GPM6A: variants seen among roughly 807,000 people sequenced by gnomAD.
The protein encoded by GPM6A is glycoprotein M6A, also known as neuronal membrane glycoprotein M6-a.
GPM6A carries 7 observed loss-of-function variants against 32.1 expected under a neutral mutation model. The ratio of observed to expected loss-of-function variants is 0.22; its 90% CI spans 0.12 to 0.41. GPM6A has a LOEUF of 0.41. Ranked by LOEUF, GPM6A falls within the 10% of genes least tolerant of loss-of-function variation. The pLI, the probability that GPM6A is intolerant of heterozygous loss-of-function variation, is 1.00. For missense variants in GPM6A, 235 were observed against 347.2 expected, an observed-to-expected ratio of 0.68 and a Z score of 2.57; for synonymous variants, 130 against 123.4, an observed-to-expected ratio of 1.05 and a Z score of -0.35.
At chr4:175,716,777 G>A (rs961037444) in intron 1 of GPM6A, among the ~76,000 whole-genome samples, 4 of 152,036 alleles carry the variant, frequency 2.6e-5, no homozygotes, top group African/African-American at 9.7e-5. Context: ...ACTAATTCAG[G>A]AAAAGAAGAT....
At chr4:175,935,895 A>G (rs1460209521) in intron 1 of GPM6A, among the ~76,000 whole-genome samples, 3 of 152,154 alleles carry the variant, frequency 2.0e-5, no homozygotes, top group African/African-American at 4.8e-5. Flanking sequence ...TAAAATTAAG[A>G]AAGATGTTAA....
At chr4:175,792,718 C>T (rs905442303) in intron 1 of GPM6A, among the ~76,000 whole-genome samples, 1 of 152,134 alleles carries the variant, frequency 6.6e-6, no homozygotes, top group Non-Finnish European at 1.5e-5. Context: ...AATTCTTTGA[C>T]ATCTGATCAG....
At chr4:175,755,656 A>G (rs1271588588) in intron 1 of GPM6A, among the ~76,000 whole-genome samples, 5 of 152,178 alleles carry the variant, frequency 3.3e-5, no homozygotes, top group Middle Eastern at 3.2e-3. Context: ...GTTTCCTCCA[A>G]TTACGTTGGT....
chr4:175,911,835 A>G (rs1034885715), intron 1 of GPM6A, among the ~76,000 whole-genome samples: 4 of 152,182 alleles, frequency 2.6e-5, no homozygotes, highest in African/African-American at 9.7e-5. Context: ...GAGTGAGTAA[A>G]CTTTTCTCCC....
rs1260674365 is a variant in GPM6A, at chr4:175,887,159, T to TTTA, written c.-22-74911_-22-74910insTAA. 9.2e-5 allele frequency among the ~76,000 whole-genome samples: 14 copies of TTTA among 152,096 alleles called. No homozygotes were observed. In the East Asian group the frequency reaches 2.7e-3, roughly 29 times the overall value. ...TTATCAAATACAGTATACATAAAAC[T>TTTA]TTTATAAACACCAATCAATTATCAA... On this transcript the variant is annotated intron_variant, in intron 1 of 7. Coordinates refer to the GPM6A transcript ENST00000280187.
At chr4:175,792,356 A>G (rs1303467372) in intron 1 of GPM6A, among the ~76,000 whole-genome samples, 5 of 152,172 alleles carry the variant, frequency 3.3e-5, no homozygotes, top group African/African-American at 1.2e-4. Flanking sequence ...TTTACAGTGG[A>G]TATTTGGTGT....
intron 1 of GPM6A, among the ~76,000 whole-genome samples, chr4:175,911,246 G>T (rs1000695228): frequency 6.6e-6 from 1 of 151,958 alleles, no homozygotes; most frequent in African/African-American, 2.4e-5. Context: ...ACCAGTTTTG[G>T]GGGCAGATGA....
intron 1 of GPM6A, chr4:175,962,340 C>T: frequency 1.2e-6 from 1 of 824,316 alleles, no homozygotes; most frequent in Non-Finnish European, 2.1e-6. Context: ...TGAACATCAG[C>T]TTCTTAAGAC....
chr4:175,771,626 A>G (rs563888731), intron 1 of GPM6A, among the ~76,000 whole-genome samples: 1 of 152,232 alleles, frequency 6.6e-6, no homozygotes, highest in Non-Finnish European at 1.5e-5. Context: ...GAATAAAAGC[A>G]TAAAAAATCC....
chr4:176,001,917 C>T (rs1741494354), intron 1 of GPM6A, among the ~76,000 whole-genome samples: 1 of 152,178 alleles, frequency 6.6e-6, no homozygotes, highest in Non-Finnish European at 1.5e-5. Flanking sequence ...CAGAGATCTC[C>T]CTGTAATCGC....
chr4:175,839,220 T>A (rs1735866580), intron 1 of GPM6A, among the ~76,000 whole-genome samples: 1 of 152,106 alleles, frequency 6.6e-6, no homozygotes, highest in Non-Finnish European at 1.5e-5. Context: ...TAGAATAAAC[T>A]CCTGATGAAC....
chr4:175,904,507 A>T (rs949519388), intron 1 of GPM6A, among the ~76,000 whole-genome samples: 1 of 152,128 alleles, frequency 6.6e-6, no homozygotes, highest in Non-Finnish European at 1.5e-5. Context: ...ATTTAAAGTA[A>T]ACATTCTATT....
intron 1 of GPM6A, among the ~76,000 whole-genome samples, chr4:175,829,664 T>C (rs201648162): frequency 2.8e-4 from 37 of 134,138 alleles, no homozygotes; most frequent in African/African-American, 8.1e-4. Flanking sequence ...TATATATATA[T>C]ACATATAAAA....
intron 4 of GPM6A, among the ~76,000 whole-genome samples, chr4:175,645,580 G>T (rs969189996): frequency 6.6e-6 from 1 of 152,074 alleles, no homozygotes; most frequent in Non-Finnish European, 1.5e-5. Flanking sequence ...AATTAGCCAG[G>T]CATGGTGGCA....
chr4:175,873,363 A>C (rs2111442730), intron 1 of GPM6A, among the ~76,000 whole-genome samples: 1 of 152,258 alleles, frequency 6.6e-6, no homozygotes, highest in East Asian at 1.9e-4. Context: ...ATATTATTTA[A>C]ATTATAATTA....
chr4:175,859,421 T>A (rs996075563), intron 1 of GPM6A, among the ~76,000 whole-genome samples: 1 of 152,220 alleles, frequency 6.6e-6, no homozygotes, highest in African/African-American at 2.4e-5. Flanking sequence ...AATGTAATCT[T>A]CTAAATTAGT....
At chr4:175,868,469 G>T (rs1003038917) in intron 1 of GPM6A, among the ~76,000 whole-genome samples, 12 of 152,136 alleles carry the variant, frequency 7.9e-5, no homozygotes, top group African/African-American at 2.7e-4. Context: ...ATGCTATAAA[G>T]TTCCCTCTAA....
chr4:175,684,583 C>CT lies in GPM6A; in HGVS notation c.231-10748dup, dbSNP rs990197785. Among the ~76,000 whole-genome samples the CT allele has an allele frequency of 3.9e-5, 6 of 152,110 alleles. No homozygotes were observed. The South Asian group carries it at 6.2e-4, about 16-fold the overall frequency. ...TCTAAAAGATAAAATCTAACTTTATCTTTTTTTCAAAATGGCTGTCCAGTT... is the reference window on the plus strand; with the variant it reads ...TCTAAAAGATAAAATCTAACTTTATCTTTTTTTTCAAAATGGCTGTCCAGTT... On this transcript the variant is annotated intron_variant, in intron 2 of 6. Transcript: ENST00000393658.
At chr4:175,813,630 T>A (rs1202615886), upstream of GPM6A, among the ~76,000 whole-genome samples, 1 of 151,988 alleles carries the variant, frequency 6.6e-6, no homozygotes, top group Non-Finnish European at 1.5e-5. Context: ...CTCTCTGCCT[T>A]TAATGAAAAA....
Sources: gnomAD v4.1 joint callset for allele counts (sites outside exome capture counted in the v4.1 genomes callset) on GRCh38, gnomAD v4.1.1 for gene constraint, MANE v1.5 for transcripts, NCBI Gene and HGNC (gene_info 2026-07-23, HGNC 2026-07-21) for gene names.